Variants in EGFLAM observed in about 807,000 individuals in gnomAD.
EGFLAM encodes the protein pikachurin.
Under a neutral mutation model 113.1 loss-of-function variants are expected in EGFLAM, and 79 were observed. That is an observed-to-expected ratio of 0.70 (90% confidence interval 0.58 to 0.84). EGFLAM has a LOEUF of 0.84. EGFLAM is among the 40% of genes least tolerant of loss of function. The pLI, the probability that EGFLAM is intolerant of heterozygous loss-of-function variation, is 0.00. For missense variants in EGFLAM, 1,265 were observed against 1,291.6 expected (o/e 0.98, Z 0.32); for synonymous variants, 504 against 487.6 (o/e 1.03, Z -0.44).
At chr5:38,441,593 T>TACACACACACACACACACACAC (rs3048229) in intron 17 of EGFLAM, among the ~76,000 whole-genome samples, 7 of 147,660 alleles carry the variant, frequency 4.7e-5, no homozygotes, top group East Asian at 2.0e-4. Context: ...CGCTGCTTTG[T>TACACACACACACACACACACAC]ACACACACAC....
chr5:38,411,284 C>T (rs1028433986), intron 10 of EGFLAM, among the ~76,000 whole-genome samples: 14 of 151,638 alleles, frequency 9.2e-5, no homozygotes, highest in African/African-American at 2.9e-4. Flanking sequence ...AAAAATTAGC[C>T]GGGTGTGGTG....
intron 14 of EGFLAM, among the ~76,000 whole-genome samples, chr5:38,428,055 G>C (rs1742074035): frequency 6.6e-6 from 1 of 152,178 alleles, no homozygotes; most frequent in African/African-American, 2.4e-5. Context: ...AGCCAGAGGG[G>C]CCACTAATCG....
At chr5:38,271,107 G>A (rs902055637) in intron 1 of EGFLAM, among the ~76,000 whole-genome samples, 1 of 151,758 alleles carries the variant, frequency 6.6e-6, no homozygotes, top group Non-Finnish European at 1.5e-5. Flanking sequence ...TCAGTTTTGA[G>A]TTTAATAAAA....
intron 6 of EGFLAM, among the ~76,000 whole-genome samples, chr5:38,392,778 C>T (rs1740849213): frequency 6.6e-6 from 1 of 152,164 alleles, no homozygotes; most frequent in Non-Finnish European, 1.5e-5. Flanking sequence ...TGGTGTGCTG[C>T]ACCCATTAAC....
At chr5:38,384,444 G>A (rs776009240) in intron 6 of EGFLAM, among the ~76,000 whole-genome samples, 1 of 152,192 alleles carries the variant, frequency 6.6e-6, no homozygotes, top group Non-Finnish European at 1.5e-5. Flanking sequence ...CCTCTTGAGA[G>A]CAGTGTGAGT....
At chr5:38,327,994 C>T (rs758912221) in intron 1 of EGFLAM, among the ~76,000 whole-genome samples, 3 of 152,176 alleles carry the variant, frequency 2.0e-5, no homozygotes, top group African/African-American at 7.2e-5. Flanking sequence ...CCGTATCACA[C>T]GTAGTACTGT....
chr5:38,377,892 G>T (rs181102871), intron 6 of EGFLAM, among the ~76,000 whole-genome samples: 1 of 152,242 alleles, frequency 6.6e-6, no homozygotes, highest in Non-Finnish European at 1.5e-5. Flanking sequence ...TTCAAACCAA[G>T]CCCTCATTTT....
intron 1 of EGFLAM, among the ~76,000 whole-genome samples, chr5:38,324,182 A>G (rs1168056913): frequency 6.6e-6 from 1 of 152,034 alleles, no homozygotes; most frequent in African/African-American, 2.4e-5. Flanking sequence ...GATTTAGAGA[A>G]TTACTTTGAT....
chr5:38,367,090 C>G (rs1740080185), intron 5 of EGFLAM, among the ~76,000 whole-genome samples: 8 of 152,178 alleles, frequency 5.3e-5, no homozygotes, highest in Admixed American at 5.2e-4. Flanking sequence ...CCAACCCTAT[C>G]TCACTACTTG....
At chr5:38,306,482 T>A (rs1203936565) in intron 1 of EGFLAM, among the ~76,000 whole-genome samples, 2 of 152,188 alleles carry the variant, frequency 1.3e-5, no homozygotes, top group East Asian at 1.9e-4. Context: ...TGATGGCTAT[T>A]ATAGTTCGAT....
At position 38,451,241 on chromosome 5, in the gene EGFLAM, C is replaced by T. The variant is rs187525444; in HGVS notation, c.2544-74C>T. 146 of 1,569,760 alleles carry T rather than the reference C, an allele frequency of 9.3e-5. 2 individuals are homozygous for T. In the African/African-American group the frequency reaches 1.3e-3, roughly 14 times the overall value. Reference sequence around the variant, plus strand: ...CTTACATCTGGTTCCTCAGGGCTGGCAGACAAAACTGGAATTACTCGGAAA... The same window carrying T: ...CTTACATCTGGTTCCTCAGGGCTGGTAGACAAAACTGGAATTACTCGGAAA... On this transcript the variant is annotated intron_variant, in intron 18 of 21. Coordinates refer to ENST00000322350, the MANE Select transcript of EGFLAM (RefSeq NM_152403.4).
At chr5:38,348,495 AG>A (rs1161023947) in intron 3 of EGFLAM, among the ~76,000 whole-genome samples, 1 of 152,182 alleles carries the variant, frequency 6.6e-6, no homozygotes, top group Non-Finnish European at 1.5e-5. Flanking sequence ...TGAAGAAGCA[AG>A]GGTGGACAAT....
chr5:38,429,942 C>A, intron 14 of EGFLAM: 2 of 205,312 alleles, frequency 9.7e-6, no homozygotes, highest in South Asian at 1.9e-4. Flanking sequence ...ATCTGTTCCT[C>A]TCTTCAAACT....
chr5:38,299,004 A>C (rs1318689000), intron 1 of EGFLAM, among the ~76,000 whole-genome samples: 1 of 152,178 alleles, frequency 6.6e-6, no homozygotes, highest in Non-Finnish European at 1.5e-5. Flanking sequence ...ACATCTTTAA[A>C]ACAATATTGG....
At chr5:38,272,605 G>T (rs1757790823) in intron 1 of EGFLAM, among the ~76,000 whole-genome samples, 2 of 152,192 alleles carry the variant, frequency 1.3e-5, no homozygotes, top group South Asian at 4.1e-4. Context: ...TGAAAGCAAA[G>T]CAGCCAAAAG....
chr5:38,463,106 C>G, intron 21 of EGFLAM, 95 bp downstream of exon 21: 2 of 1,190,402 alleles, frequency 1.7e-6, no homozygotes, highest in Non-Finnish European at 2.4e-6. Context: ...TTTGCTGGAT[C>G]AAATACCTGT....
intron 7 of EGFLAM, 85 bp downstream of exon 7, chr5:38,406,326 T>C: frequency 8.2e-7 from 1 of 1,215,790 alleles, no homozygotes; most frequent in Non-Finnish European, 1.2e-6. Flanking sequence ...CCATAAACAT[T>C]TTACTTAAAA....
At chr5:38,356,919 G>A (rs1428159123) in intron 5 of EGFLAM, among the ~76,000 whole-genome samples, 2 of 152,154 alleles carry the variant, frequency 1.3e-5, no homozygotes, top group Non-Finnish European at 2.9e-5. Context: ...AACACCCAAG[G>A]CGATGGTATT....
chr5:38,353,339 T>G (rs1421732530), intron 5 of EGFLAM, among the ~76,000 whole-genome samples: 1 of 152,128 alleles, frequency 6.6e-6, no homozygotes, highest in Non-Finnish European at 1.5e-5. Context: ...GGCTGGTGAG[T>G]GAGTCTGAAA....
Sources: gnomAD v4.1 joint callset for allele counts (sites outside exome capture counted in the v4.1 genomes callset) on GRCh38, gnomAD v4.1.1 for gene constraint, MANE v1.5 for transcripts, NCBI Gene and HGNC (gene_info 2026-07-23, HGNC 2026-07-21) for gene names.